Variants in ZNF462 observed in about 807,000 individuals in gnomAD.
ZNF462 encodes the protein zinc finger protein 462.
ZNF462 carries 10 observed loss-of-function variants against 201.9 expected under a neutral mutation model. The observed-to-expected ratio is 0.05, with a 90% CI of 0.03 to 0.08. The LOEUF is 0.08. Among genes scored for constraint, ZNF462 ranks in the 10% least tolerant of loss-of-function variants. The pLI is 1.00. For synonymous variants in ZNF462, 1,227 were observed against 1,193.3 expected (o/e 1.03, Z -0.58); for missense variants, 2,523 against 3,168.3 (o/e 0.80, Z 4.89).
chr9:106,994,762 A>G (rs575839637), intron 10 of ZNF462, among the ~76,000 whole-genome samples: 85 of 152,220 alleles, frequency 5.6e-4, no homozygotes, highest in African/African-American at 2.0e-3. Flanking sequence ...CTTAAACAGT[A>G]TTTCTCAAAT....
chr9:106,949,824 T>C (rs1831263577), intron 7 of ZNF462, among the ~76,000 whole-genome samples: 1 of 152,180 alleles, frequency 6.6e-6, no homozygotes, highest in South Asian at 2.1e-4. Flanking sequence ...GACTCAATGG[T>C]AATAACTCAA....
Position 106,978,553 on chromosome 9 carries a change from A to C in ZNF462, c.6832+4280A>C, listed in dbSNP as rs1039809951. On this transcript the variant is annotated intron_variant, in intron 9 of 12. Coordinates refer to ENST00000277225, the MANE Select transcript of ZNF462 (RefSeq NM_021224.6). This position sits in a 1 kb window ranked among gnomAD's most constrained non-coding sequence, Gnocchi z 4.1. Reference sequence around the variant, plus strand: ...GGAACTGTGAACTTAGGTCAGATCAACGTTTGGTGAGATTGACCATGATTT... The same window carrying C: ...GGAACTGTGAACTTAGGTCAGATCACCGTTTGGTGAGATTGACCATGATTT... Among the ~76,000 whole-genome samples, 24 of 151,658 alleles carry C rather than the reference A, an allele frequency of 1.6e-4. 1 individual carries two copies. The highest frequency in any genetic ancestry group is 7.2e-4 in the Admixed American group (11 of 15,266).
intron 1 of ZNF462, among the ~76,000 whole-genome samples, chr9:106,879,013 C>T (rs774314855): frequency 2.0e-5 from 3 of 152,150 alleles, no homozygotes; most frequent in Non-Finnish European, 4.4e-5. Flanking sequence ...TCCCAAGAGG[C>T]AAACAGACCA....
rs1564147197 is a variant in ZNF462, at chr9:106,978,154, A to T, written c.6832+3881A>T. 6.6e-6 allele frequency among the ~76,000 whole-genome samples: 1 copy of T among 151,326 alleles called. No individual in the cohort carries two copies. Among genetic ancestry groups the T allele is most frequent in the Non-Finnish European group, 1.5e-5 (1 of 68,014 alleles). On this transcript the variant is annotated intron_variant, in intron 9 of 12. Transcript: ENST00000277225. The surrounding 1 kb of genome is among the most constrained non-coding windows in gnomAD (Gnocchi z 4.1). ...CCCTAATCTAGTCTGGCCTTAACTG[A>T]TTGCCATCTGCAAAGAACCTATGTC...
rs1444955740 is a variant in ZNF462, at chr9:106,978,014, T to C, written c.6832+3741T>C. On this transcript the variant is annotated intron_variant, in intron 9 of 12. Transcript: ENST00000277225. This position sits in a 1 kb window ranked among gnomAD's most constrained non-coding sequence, Gnocchi z 4.1. ...GCGTTCCTTGACGCTACTTGGCTTA[T>C]AGCTGCATCACTCTCATGTTTGTCT... Among the ~76,000 whole-genome samples, 2 of 151,634 alleles carry C rather than the reference T, an allele frequency of 1.3e-5. 1 individual carries two copies. The highest frequency in any genetic ancestry group is 4.9e-5 in the African/African-American group (2 of 40,892).
Position 106,972,353 on chromosome 9 carries a change from T to C in ZNF462, c.6695+81T>C. 6.5e-7 allele frequency: 1 copy of C among 1,537,670 alleles called. No homozygotes were observed. Among genetic ancestry groups the C allele is most frequent in the Non-Finnish European group, 8.8e-7 (1 of 1,142,598 alleles). On this transcript the variant is annotated intron_variant, in intron 8 of 12. Transcript: ENST00000277225. The surrounding 1 kb of genome is among the most constrained non-coding windows in gnomAD (Gnocchi z 4.8). Reference sequence around the variant, plus strand: ...CTCACTGCAGGCTTCCCTTACACTTTCCTACTTGGAGCTTATGGGAGGCCC... The same window carrying C: ...CTCACTGCAGGCTTCCCTTACACTTCCCTACTTGGAGCTTATGGGAGGCCC...
Position 106,969,871 on chromosome 9 carries a change from A to G in ZNF462, c.6428-2134A>G, listed in dbSNP as rs1244368570. On this transcript the variant is annotated intron_variant, in intron 7 of 12. Coordinates refer to ENST00000277225, the MANE Select transcript of ZNF462 (RefSeq NM_021224.6). ...GTGCAAACTAGGACCAACATTACCA[A>G]GAGGACAGAAGCTATCTGGGGATCC... 3.3e-5 allele frequency among the ~76,000 whole-genome samples: 5 copies of G among 152,198 alleles called. No individual in the cohort carries two copies. In the East Asian group the frequency reaches 7.7e-4, roughly 24 times the overall value.
rs1336921198 is a variant in ZNF462, at chr9:106,905,541, G to T, written c.-30-17813G>T. ...AGGGTGGGTAGGGAAGGACCATCAG[G>T]TAGGGTGGGGAGAGATGTGTCTGAG... On this transcript the variant is annotated intron_variant, in intron 1 of 12. Transcript: ENST00000277225. The surrounding 1 kb of genome is among the most constrained non-coding windows in gnomAD (Gnocchi z 5.9). 6.6e-6 allele frequency among the ~76,000 whole-genome samples: 1 copy of T among 152,150 alleles called. No homozygotes were observed. The highest frequency in any genetic ancestry group is 1.5e-5 in the Non-Finnish European group (1 of 68,024).
rs1564109737 is a variant in ZNF462 at position 106,928,598 on chromosome 9, CGTG to C, written c.4688_4690del (p.Val1563del). 1 of 1,614,100 alleles carries C rather than the reference CGTG, an allele frequency of 6.2e-7. No homozygotes were observed. ...AGTCTGCTGACATATCCCAGAATGA[CGTG>C]GAGGAGACGAGCAGGATCTTCAAGC... On this transcript the variant is annotated inframe_deletion, in exon 3 of 13. Coordinates refer to ENST00000277225, the MANE Select transcript of ZNF462 (RefSeq NM_021224.6). The surrounding 1 kb of genome is among the most constrained non-coding windows in gnomAD (Gnocchi z 9.3).
chr9:106,984,474 C>T lies in ZNF462; in HGVS notation c.7056+65C>T, dbSNP rs556851504. ...GTGGGGAGGGGCCAAGGGGGAGACA[C>T]CACTGCATTTAGTCACGACCACTGT... On this transcript the variant is annotated intron_variant, in intron 10 of 12. Transcript: ENST00000277225. The surrounding 1 kb of genome is among the most constrained non-coding windows in gnomAD (Gnocchi z 6.4). The T allele has an allele frequency of 2.1e-4, 281 of 1,318,428 alleles. 2 individuals carry two copies. The African/African-American group carries it at 3.3e-3, about 16-fold the overall frequency. The allele number at this position is 1,318,428 out of a possible 1,614,324, so 81.7% of individuals were successfully genotyped here.
Position 106,935,550 on chromosome 9 carries a change from G to T in ZNF462, c.6164G>T (p.Arg2055Leu). Residue 2055 changes from arginine (R) to leucine (L), a missense_variant, in exon 6 of 13, where the codon CGA (arginine) becomes CTA (leucine). By Grantham distance (102) the Arg-to-Leu change is moderately radical. Coordinates refer to ENST00000277225, the MANE Select transcript of ZNF462 (RefSeq NM_021224.6). The surrounding 1 kb of genome is among the most constrained non-coding windows in gnomAD (Gnocchi z 4.1). ...CACCACGGACACCATAAACCATTCC[G>T]ATGCAAACTCTGCTCCTTCAAGTCC... ...QTHHGHHKPF[R>L]CKLCSFKSSY... 1 of 1,613,960 alleles carries T rather than the reference G, an allele frequency of 6.2e-7. No homozygotes were observed. Among genetic ancestry groups the T allele is most frequent in the Non-Finnish European group, 8.5e-7 (1 of 1,179,976 alleles).
rs542897683 is a variant in ZNF462, at chr9:106,977,165, A to T, written c.6832+2892A>T. On this transcript the variant is annotated intron_variant, in intron 9 of 12. Transcript: ENST00000277225. This position sits in a 1 kb window ranked among gnomAD's most constrained non-coding sequence, Gnocchi z 4.6. ...CCATCTCTACTCAAAATGGCAGCTC[A>T]GTAGGAAGCTGACCTTGACAAGTCG... Among the ~76,000 whole-genome samples the T allele has an allele frequency of 1.3e-5, 2 of 152,308 alleles. No individual in the cohort carries two copies. Among genetic ancestry groups the T allele is most frequent in the Non-Finnish European group, 2.9e-5 (2 of 68,026 alleles).
At position 107,012,928 on chromosome 9, in the gene ZNF462, A is replaced by AT. The variant is rs1197779292; in HGVS notation, c.*1905dup. The AT allele has an allele frequency of 6.6e-6, 1 of 151,750 alleles. No homozygotes were observed. The highest frequency in any genetic ancestry group is 1.5e-5 in the Non-Finnish European group (1 of 67,894). 9.4% of individuals were successfully genotyped at this position (151,750 alleles called of 1,614,324 possible). ...TTTGTAGGATGTTTGTTTTAATTTA[A>AT]TTTTTTTAAGGGATGGGGGCCATCA... is the stretch of plus-strand genomic sequence containing the variant. On this transcript the variant is annotated 3_prime_UTR_variant, in exon 13 of 13. Coordinates refer to ENST00000277225, the MANE Select transcript of ZNF462 (RefSeq NM_021224.6).
chr9:107,002,669 G>T (rs1829283517), intron 10 of ZNF462, among the ~76,000 whole-genome samples: 2 of 152,122 alleles, frequency 1.3e-5, no homozygotes. Context: ...TAGTCATCTA[G>T]GTTTTTCTCA....
At chr9:106,866,808 A>G (rs1466387264) in intron 1 of ZNF462, among the ~76,000 whole-genome samples, 1 of 152,246 alleles carries the variant, frequency 6.6e-6, no homozygotes, top group African/African-American at 2.4e-5. Context: ...ATAAAGAGTT[A>G]TTTGGAAAAG....
intron 7 of ZNF462, among the ~76,000 whole-genome samples, chr9:106,942,147 C>G (rs1018434094): frequency 3.9e-5 from 6 of 152,128 alleles, no homozygotes; most frequent in Admixed American, 1.3e-4. Context: ...CTTTCTGATT[C>G]CGTAGTGAGG....
chr9:106,927,266 C>A lies in ZNF462; in HGVS notation c.3354C>A (p.His1118Gln). ...DLSTELYYCK[H>Q]CSYSNRSVVG... ...GTACTGAGCTTTACTACTGCAAACACTGTTCCTACAGCAATCGGTCAGTTG... is the reference window on the plus strand; with the variant it reads ...GTACTGAGCTTTACTACTGCAAACAATGTTCCTACAGCAATCGGTCAGTTG... The change falls in exon 3 of 13, where the codon CAC becomes CAA. Residue 1118 changes from histidine to glutamine, a missense_variant. This residue lies in a region of ZNF462 where 280 missense variants were observed against 321.3 expected (regional missense o/e 0.87). Transcript: ENST00000277225. The A allele has an allele frequency of 6.5e-7, 1 of 1,541,244 alleles. No homozygotes were observed. The highest frequency in any genetic ancestry group is 8.8e-7 in the Non-Finnish European group (1 of 1,133,698).
At position 106,954,593 on chromosome 9, in the gene ZNF462, T is replaced by C. The variant is rs1831494247; in HGVS notation, c.6427+15486T>C. On this transcript the variant is annotated intron_variant, in intron 7 of 12. Coordinates refer to ENST00000277225, the MANE Select transcript of ZNF462 (RefSeq NM_021224.6). This position sits in a 1 kb window ranked among gnomAD's most constrained non-coding sequence, Gnocchi z 4.0. ...TTTCCATCAGCTGCCTCATTCTCCC[T>C]ATATTCTAGCCTAACTGGAATGAGC... 6.6e-6 allele frequency among the ~76,000 whole-genome samples: 1 copy of C among 152,164 alleles called. No homozygotes were observed. The highest frequency in any genetic ancestry group is 1.5e-5 in the Non-Finnish European group (1 of 68,030).
At chr9:106,996,023 G>A (rs1351722318) in intron 10 of ZNF462, among the ~76,000 whole-genome samples, 1 of 151,576 alleles carries the variant, frequency 6.6e-6, no homozygotes, top group Non-Finnish European at 1.5e-5. Context: ...TGTCCAAGTG[G>A]TCTCATTGTT....
Sources: allele counts gnomAD v4.1 joint callset (sites outside exome capture counted in the v4.1 genomes callset), GRCh38; gene constraint gnomAD v4.1.1; regional missense constraint gnomAD v4.1.1; non-coding constraint Gnocchi (gnomAD v3.1); transcripts MANE v1.5; gene names NCBI Gene and HGNC (gene_info 2026-07-23, HGNC 2026-07-21).